The following PRKCE variants were observed in gnomAD, a reference collection of about 807,000 sequenced individuals.
PRKCE encodes protein kinase C epsilon, also known as protein kinase C epsilon type.
A neutral mutation model predicts 85.4 loss-of-function variants in PRKCE; 16 were observed. The observed-to-expected ratio is 0.19, with a 90% CI of 0.13 to 0.28. The LOEUF is 0.28. PRKCE is among the 10% of genes least tolerant of loss of function. The pLI is 1.00. For missense variants in PRKCE, 573 were observed against 975.2 expected, an observed-to-expected ratio of 0.59 and a Z score of 5.49; for synonymous variants, 388 against 371.5, an observed-to-expected ratio of 1.04 and a Z score of -0.51.
At position 45,761,360 on chromosome 2, in the gene PRKCE, A is replaced by AGAAAG. The variant is rs1411923953; in HGVS notation, c.349-81636_349-81632dup. On this transcript the variant is annotated intron_variant, in intron 1 of 14. Coordinates refer to ENST00000306156, the MANE Select transcript of PRKCE (RefSeq NM_005400.3). ...AAAAAAAAAAAAAAAATCTAAGTAC[A>AGAAAG]GAAAGGAATACATGCCAGTAGGTTG... Among the ~76,000 whole-genome samples the AGAAAG allele has an allele frequency of 1.1e-4, 17 of 151,208 alleles. 1 individual carries two copies. The highest frequency in any genetic ancestry group is 1.1e-3 in the Admixed American group (17 of 15,162).
At chr2:45,670,237 A>G (rs1392702664) in intron 1 of PRKCE, among the ~76,000 whole-genome samples, 2 of 152,136 alleles carry the variant, frequency 1.3e-5, no homozygotes, top group Non-Finnish European at 2.9e-5. Context: ...CCAAATTTAA[A>G]TCTGTTAAGA....
chr2:46,022,333 G>T (rs1361376497), intron 10 of PRKCE, among the ~76,000 whole-genome samples: 2 of 152,208 alleles, frequency 1.3e-5, no homozygotes, highest in Non-Finnish European at 2.9e-5. Context: ...AAAGACCTGT[G>T]ACAATGCAAT....
At chr2:45,773,219 G>A (rs2104931950) in intron 1 of PRKCE, among the ~76,000 whole-genome samples, 1 of 152,310 alleles carries the variant, frequency 6.6e-6, no homozygotes, top group Middle Eastern at 3.4e-3. Context: ...TGATGTCACT[G>A]TCCCCAGGAG....
At chr2:45,699,209 C>T (rs1313954811) in intron 1 of PRKCE, among the ~76,000 whole-genome samples, 1 of 152,084 alleles carries the variant, frequency 6.6e-6, no homozygotes, top group Non-Finnish European at 1.5e-5. Flanking sequence ...GAGGGGCTCC[C>T]CCTAATCCCC....
intron 12 of PRKCE, among the ~76,000 whole-genome samples, chr2:46,147,710 G>A (rs1419280729): frequency 6.6e-6 from 1 of 152,198 alleles, no homozygotes; most frequent in Non-Finnish European, 1.5e-5. Flanking sequence ...TGCCTCTAAA[G>A]CATTAGCCCA....
chr2:46,126,495 C>G (rs1233650276), intron 11 of PRKCE, among the ~76,000 whole-genome samples: 1 of 152,026 alleles, frequency 6.6e-6, no homozygotes, highest in Admixed American at 6.6e-5. Context: ...TGGGAGTTGG[C>G]CAGAGAAGGC....
chr2:46,114,039 A>G (rs2104259364), intron 11 of PRKCE, among the ~76,000 whole-genome samples: 1 of 152,300 alleles, frequency 6.6e-6, no homozygotes, highest in African/African-American at 2.4e-5. Context: ...GGAAGGAAAC[A>G]CTGCCTCTCT....
intron 1 of PRKCE, among the ~76,000 whole-genome samples, chr2:45,779,356 G>A (rs1457940752): frequency 6.6e-6 from 1 of 152,174 alleles, no homozygotes; most frequent in African/African-American, 2.4e-5. Context: ...GGCATGGGAA[G>A]AGAATGTTTG....
chr2:46,170,777 A>G (rs971231868), intron 14 of PRKCE, among the ~76,000 whole-genome samples: 2 of 152,208 alleles, frequency 1.3e-5, no homozygotes, highest in Non-Finnish European at 2.9e-5. Context: ...AGAGGCACAT[A>G]TTAGAATGTT....
chr2:45,912,717 G>A (rs1239054024), intron 2 of PRKCE, among the ~76,000 whole-genome samples: 1 of 152,214 alleles, frequency 6.6e-6, no homozygotes, highest in Non-Finnish European at 1.5e-5. Flanking sequence ...CAGCCAGGTA[G>A]AACTTGGAGG....
intron 1 of PRKCE, among the ~76,000 whole-genome samples, chr2:45,664,488 G>C (rs1300754016): frequency 2.0e-5 from 3 of 152,178 alleles, no homozygotes; most frequent in Admixed American, 6.5e-5. Flanking sequence ...GATTTTATTA[G>C]TAATAACCAA....
At chr2:45,681,704 A>G (rs896583377) in intron 1 of PRKCE, among the ~76,000 whole-genome samples, 2 of 152,190 alleles carry the variant, frequency 1.3e-5, no homozygotes, top group Non-Finnish European at 2.9e-5. Flanking sequence ...TTGGTAATGC[A>G]ACTGCCATTC....
intron 14 of PRKCE, among the ~76,000 whole-genome samples, chr2:46,171,118 G>A (rs1678849510): frequency 6.6e-6 from 1 of 152,174 alleles, no homozygotes; most frequent in South Asian, 2.1e-4. Context: ...CGCCAGGCTC[G>A]GGTCCTGCCA....
intron 2 of PRKCE, among the ~76,000 whole-genome samples, chr2:45,920,657 T>A (rs899377265): frequency 5.9e-5 from 9 of 152,116 alleles, no homozygotes; most frequent in African/African-American, 2.2e-4. Flanking sequence ...ATGATTGCAC[T>A]CATATGAAAT....
intron 1 of PRKCE, among the ~76,000 whole-genome samples, chr2:45,699,312 T>C (rs1046642009): frequency 6.6e-6 from 1 of 152,204 alleles, no homozygotes; most frequent in Non-Finnish European, 1.5e-5. Flanking sequence ...TGTGTCTTTG[T>C]CTGTAGCTTC....
chr2:45,888,717 G>T (rs1695488613), intron 2 of PRKCE, among the ~76,000 whole-genome samples: 1 of 152,166 alleles, frequency 6.6e-6, no homozygotes, highest in Non-Finnish European at 1.5e-5. Context: ...CTCCCAAAGT[G>T]CTGGGATCAT....
chr2:46,001,594 T>C lies in PRKCE; in HGVS notation c.966+48T>C, dbSNP rs200304819. ...TGCTGGAGCCCTTTTCAGGCTAGCA[T>C]TTCTGTGCTGACTTCCAGAGGGTGC... On this transcript the variant is annotated intron_variant, in intron 7 of 14. Transcript: ENST00000306156. This position sits in a 1 kb window ranked among gnomAD's most constrained non-coding sequence, Gnocchi z 4.4. 1,412 of 1,573,846 alleles carry C rather than the reference T, an allele frequency of 9.0e-4. 2 individuals are homozygous for C. The highest frequency in any genetic ancestry group is 1.1e-3 in the Non-Finnish European group (1,227 of 1,164,768).
At chr2:46,180,751 C>T (rs1296678261) in intron 14 of PRKCE, among the ~76,000 whole-genome samples, 1 of 152,188 alleles carries the variant, frequency 6.6e-6, no homozygotes, top group African/African-American at 2.4e-5. Context: ...CTCAAGGAAA[C>T]CTATAGTGTG....
Position 45,743,710 on chromosome 2 carries a change from A to G in PRKCE, c.348+91262A>G, listed in dbSNP as rs145746717. 2.3e-3 allele frequency among the ~76,000 whole-genome samples: 352 copies of G among 152,238 alleles called. 3 individuals are homozygous for G. The highest frequency in any genetic ancestry group is 8.2e-3 in the African/African-American group (341 of 41,548). ...TTTTCCCCCGACTGCTTCTTTCAAA[A>G]CCTTGCCCTAAGCAGGAGGTTTTTA... On this transcript the variant is annotated intron_variant, in intron 1 of 14. Transcript: ENST00000306156.
Sources: gnomAD v4.1 joint callset for allele counts (sites outside exome capture counted in the v4.1 genomes callset) on GRCh38, gnomAD v4.1.1 for gene constraint, Gnocchi (gnomAD v3.1) non-coding constraint, MANE v1.5 for transcripts, NCBI Gene and HGNC (gene_info 2026-07-23, HGNC 2026-07-21) for gene names.